BAALC: variants seen among roughly 807,000 people sequenced by gnomAD.
BAALC encodes brain and acute leukemia cytoplasmic protein.
In BAALC, 9 loss-of-function variants were observed where a neutral mutation model predicts 15.5. That is an observed-to-expected ratio of 0.58 (90% confidence interval 0.35 to 1.02). BAALC has a LOEUF of 1.02. Ranked by LOEUF, BAALC falls within the 50% of genes least tolerant of loss-of-function variation. The pLI, the probability that BAALC is intolerant of heterozygous loss-of-function variation, is 0.02. For missense variants in BAALC, 201 were observed against 192.4 expected, an observed-to-expected ratio of 1.04 and a Z score of -0.27; for synonymous variants, 80 against 74.6, an observed-to-expected ratio of 1.07 and a Z score of -0.37.
chr8:103,152,287 G>A (rs961968579), intron 1 of BAALC, among the ~76,000 whole-genome samples: 5 of 151,904 alleles, frequency 3.3e-5, no homozygotes, highest in Non-Finnish European at 7.4e-5. Flanking sequence ...AGCGTGTTCC[G>A]GCCACGCTTG....
At chr8:103,177,298 C>G (rs1374990318) in intron 1 of BAALC, among the ~76,000 whole-genome samples, 1 of 151,920 alleles carries the variant, frequency 6.6e-6, no homozygotes, top group Non-Finnish European at 1.5e-5. Flanking sequence ...GATCCTCCCA[C>G]TTCAGTCTCC....
At chr8:103,200,565 A>G (rs1384077560) in intron 1 of BAALC, 1 of 468,310 alleles carries the variant, frequency 2.1e-6, no homozygotes, top group Non-Finnish European at 3.9e-6. Context: ...ACCAAAGAGT[A>G]AAAGACAACA....
chr8:103,189,150 A>G (rs764469029), intron 1 of BAALC, among the ~76,000 whole-genome samples: 1 of 152,218 alleles, frequency 6.6e-6, no homozygotes, highest in Non-Finnish European at 1.5e-5. Flanking sequence ...AACATTTACA[A>G]ATTCTCATGA....
intron 1 of BAALC, among the ~76,000 whole-genome samples, chr8:103,197,856 G>T (rs1252803332): frequency 6.6e-6 from 1 of 152,056 alleles, no homozygotes; most frequent in Non-Finnish European, 1.5e-5. Flanking sequence ...TATGCCCCAT[G>T]ATCCAAATAC....
chr8:103,228,769 A>G lies in BAALC; in HGVS notation c.*670A>G, dbSNP rs1002164168. The G allele has an allele frequency of 6.6e-6, 1 of 152,270 alleles. No homozygotes were observed. Among genetic ancestry groups the G allele is most frequent in the African/African-American group, 2.4e-5 (1 of 41,454 alleles). The allele number at this position is 152,270 out of a possible 1,614,324, so 9.4% of individuals were successfully genotyped here. ...TCATACCTGCTCCTCATCTGCCTGGAAAGTCCTCCTATTCCAGTGTCCATG... is the reference window on the plus strand; with the variant it reads ...TCATACCTGCTCCTCATCTGCCTGGGAAGTCCTCCTATTCCAGTGTCCATG... On this transcript the variant is annotated 3_prime_UTR_variant, in exon 3 of 3. Coordinates refer to ENST00000309982, the MANE Select transcript of BAALC (RefSeq NM_024812.3).
At chr8:103,182,108 C>G (rs1266107851) in intron 1 of BAALC, among the ~76,000 whole-genome samples, 1 of 152,178 alleles carries the variant, frequency 6.6e-6, no homozygotes, top group African/African-American at 2.4e-5. Context: ...ATTCTGCCTC[C>G]TTTGCTGTTT....
chr8:103,140,840 G>A lies in BAALC; in HGVS notation c.-58G>A. On this transcript the variant is annotated 5_prime_UTR_variant, in exon 1 of 3. The change abolishes the stop of an existing upstream ORF in the 5' untranslated region. Coordinates refer to ENST00000309982, the MANE Select transcript of BAALC (RefSeq NM_024812.3). The surrounding 1 kb of genome is among the most constrained non-coding windows in gnomAD (Gnocchi z 4.2). ...GGGCCGGGGCTGCGCCTCCGGGGCT[G>A]AGCCGCCGCCAGAGCCGACAGCCGA... 1 of 1,391,214 alleles carries A rather than the reference G, an allele frequency of 7.2e-7. No individual in the cohort carries two copies. Among genetic ancestry groups the A allele is most frequent in the Non-Finnish European group, 9.3e-7 (1 of 1,072,038 alleles). The allele number at this position is 1,391,214 out of a possible 1,614,324, so 86.2% of individuals were successfully genotyped here.
At chr8:103,143,851 C>A (rs1417145872) in intron 1 of BAALC, among the ~76,000 whole-genome samples, 1 of 152,200 alleles carries the variant, frequency 6.6e-6, no homozygotes, top group Non-Finnish European at 1.5e-5. Context: ...CTTCCTAGAG[C>A]CCCTTCTGCC....
At chr8:103,176,894 G>A (rs62527645) in intron 1 of BAALC, among the ~76,000 whole-genome samples, 14,763 of 152,172 alleles carry the variant, frequency 0.097, 983 homozygotes, top group Non-Finnish European at 0.15. Context: ...CAGGGCCCTC[G>A]CATGCCTTCC....
At chr8:103,220,626 CA>C (rs1812656129) in intron 2 of BAALC, among the ~76,000 whole-genome samples, 1 of 152,098 alleles carries the variant, frequency 6.6e-6, no homozygotes, top group Non-Finnish European at 1.5e-5. Context: ...AAAATAAATG[CA>C]TAATTTAAAC....
intron 1 of BAALC, among the ~76,000 whole-genome samples, chr8:103,152,095 T>A (rs1810998954): frequency 6.6e-6 from 1 of 152,094 alleles, no homozygotes; most frequent in African/African-American, 2.4e-5. Flanking sequence ...GGCAGAACGA[T>A]CTTTTAAAAA....
At chr8:103,146,734 A>G (rs1302044544) in intron 1 of BAALC, among the ~76,000 whole-genome samples, 1 of 152,156 alleles carries the variant, frequency 6.6e-6, no homozygotes. Context: ...AAACATCCCC[A>G]CCTTCCTTAC....
Position 103,168,132 on chromosome 8 carries a change from T to C in BAALC, c.160+27075T>C, listed in dbSNP as rs558026982. On this transcript the variant is annotated intron_variant, in intron 1 of 2. Transcript: ENST00000309982. ...GGGCTATATACCACATGAATAAAAT[T>C]TAGACAAATAGTTCTAAAAGGCTTG... Among the ~76,000 whole-genome samples the C allele has an allele frequency of 4.6e-5, 7 of 152,294 alleles. No homozygotes were observed. In the East Asian group the frequency reaches 1.3e-3, roughly 29 times the overall value.
chr8:103,208,012 G>A (rs1382529124), intron 1 of BAALC, among the ~76,000 whole-genome samples: 2 of 152,192 alleles, frequency 1.3e-5, no homozygotes, highest in Admixed American at 6.5e-5. Flanking sequence ...CTCATTGTTT[G>A]GCAAATGCCA....
chr8:103,227,613 T>C (rs554727882), intron 2 of BAALC, among the ~76,000 whole-genome samples: 2 of 152,340 alleles, frequency 1.3e-5, no homozygotes, highest in South Asian at 2.1e-4. Flanking sequence ...ATGTAAAAAA[T>C]GCAAGTTCAT....
intron 1 of BAALC, among the ~76,000 whole-genome samples, chr8:103,199,839 G>C (rs940557618): frequency 6.6e-6 from 1 of 151,966 alleles, no homozygotes; most frequent in Non-Finnish European, 1.5e-5. Context: ...GCCTCAGTGT[G>C]TGTTGTTTCC....
At chr8:103,169,601 C>A (rs943944568) in intron 1 of BAALC, among the ~76,000 whole-genome samples, 2 of 152,098 alleles carry the variant, frequency 1.3e-5, no homozygotes, top group African/African-American at 4.8e-5. Context: ...TATTTTCAGG[C>A]CTTTTTGAGG....
intron 1 of BAALC, among the ~76,000 whole-genome samples, chr8:103,158,711 T>C (rs529307854): frequency 1.3e-5 from 2 of 151,860 alleles, no homozygotes; most frequent in African/African-American, 4.8e-5. Flanking sequence ...CATACATACA[T>C]ACACATCCCA....
chr8:103,140,981 C>T lies in BAALC; in HGVS notation c.84C>T (p.Leu28=). ...SWTRETESTW[L]TYTDSDAPPS... ...CCCGGGAGACAGAATCCACCTGGCT[C>T]ACCTACACCGACTCGGACGCGCCGC... The change falls in exon 1 of 3, where the codon CTC becomes CTT. Residue 28 remains leucine (L), a synonymous_variant. Transcript: ENST00000309982. The surrounding 1 kb of genome is among the most constrained non-coding windows in gnomAD (Gnocchi z 4.2). 6.5e-7 allele frequency: 1 copy of T among 1,537,802 alleles called. No homozygotes were observed. The highest frequency in any genetic ancestry group is 8.7e-7 in the Non-Finnish European group (1 of 1,143,390).
Sources: allele counts gnomAD v4.1 joint callset (sites outside exome capture counted in the v4.1 genomes callset), GRCh38; gene constraint gnomAD v4.1.1; non-coding constraint Gnocchi (gnomAD v3.1); transcripts MANE v1.5; gene names NCBI Gene and HGNC (gene_info 2026-07-23, HGNC 2026-07-21).